The following FARS2 variants were observed in gnomAD, a reference collection of about 807,000 sequenced individuals.
The protein encoded by FARS2 is phenylalanyl-tRNA synthetase 2, mitochondrial.
In FARS2, 40 loss-of-function variants were observed where a neutral mutation model predicts 46.4. The observed-to-expected ratio is 0.86, with a 90% CI of 0.67 to 1.12. The LOEUF (loss-of-function observed/expected upper bound fraction) is 1.12. FARS2 is among the 50% of genes most tolerant of loss of function. The pLI, the probability that FARS2 is intolerant of heterozygous loss-of-function variation, is 0.00. For missense variants in FARS2, 513 were observed against 567.9 expected (o/e 0.90, Z 0.98); for synonymous variants, 234 against 214.9 (o/e 1.09, Z -0.78).
chr6:5,344,792 CT>C (rs757967957), intron 1 of FARS2, among the ~76,000 whole-genome samples: 553 of 143,394 alleles, frequency 3.9e-3, no homozygotes, highest in Non-Finnish European at 4.2e-3. Context: ...TTTCTTTTCT[CT>C]TTTTTTTTTT....
intron 5 of FARS2, among the ~76,000 whole-genome samples, chr6:5,562,685 C>T (rs1772056299): frequency 7.1e-6 from 1 of 140,372 alleles, no homozygotes; most frequent in Non-Finnish European, 1.5e-5. Flanking sequence ...CTTGACTCCA[C>T]TGTAATTTAT....
At chr6:5,696,751 AT>A (rs1188052203) in intron 6 of FARS2, among the ~76,000 whole-genome samples, 1 of 152,192 alleles carries the variant, frequency 6.6e-6, no homozygotes, top group Non-Finnish European at 1.5e-5. Context: ...TACAATTTAA[AT>A]TTTTTACTAT....
At chr6:5,288,627 G>T (rs1466051561) in intron 1 of FARS2, among the ~76,000 whole-genome samples, 4 of 152,192 alleles carry the variant, frequency 2.6e-5, no homozygotes, top group Non-Finnish European at 5.9e-5. Context: ...ACAAGTATAT[G>T]TACGTGCTGG....
At chr6:5,642,519 G>A (rs74943507) in intron 6 of FARS2, among the ~76,000 whole-genome samples, 78 of 152,200 alleles carry the variant, frequency 5.1e-4, no homozygotes, top group African/African-American at 1.9e-3. Flanking sequence ...TCCATCTAAA[G>A]CAGTCATTGA....
chr6:5,594,937 C>A (rs1774115079), intron 5 of FARS2, among the ~76,000 whole-genome samples: 1 of 152,198 alleles, frequency 6.6e-6, no homozygotes, highest in African/African-American at 2.4e-5. Flanking sequence ...CAGAATGGAG[C>A]CAGCCCTTTC....
intron 6 of FARS2, among the ~76,000 whole-genome samples, chr6:5,690,216 A>G (rs1226207387): frequency 6.6e-6 from 1 of 152,134 alleles, no homozygotes; most frequent in Non-Finnish European, 1.5e-5. Flanking sequence ...TAATATTGTT[A>G]TGTGTGAATT....
intron 6 of FARS2, among the ~76,000 whole-genome samples, chr6:5,621,502 A>T (rs1049785299): frequency 6.6e-6 from 1 of 152,208 alleles, no homozygotes; most frequent in Non-Finnish European, 1.5e-5. Context: ...AGTTTCTTGC[A>T]TGTAATTAAC....
At chr6:5,752,550 G>A (rs1399782106) in intron 6 of FARS2, among the ~76,000 whole-genome samples, 1 of 152,170 alleles carries the variant, frequency 6.6e-6, no homozygotes, top group Non-Finnish European at 1.5e-5. Flanking sequence ...CCCAGCCCCT[G>A]ATTCACTTGT....
chr6:5,371,894 CATT>C (rs1759087297), intron 2 of FARS2, among the ~76,000 whole-genome samples: 2 of 151,288 alleles, frequency 1.3e-5, no homozygotes, highest in African/African-American at 2.5e-5. Flanking sequence ...TAAAGACACA[CATT>C]ATCAGATTGG....
At chr6:5,340,520 T>G (rs1325700420) in intron 1 of FARS2, among the ~76,000 whole-genome samples, 1 of 152,246 alleles carries the variant, frequency 6.6e-6, no homozygotes, top group Non-Finnish European at 1.5e-5. Context: ...CCGTAAAGTT[T>G]GAAGTGATTT....
At chr6:5,752,644 C>G (rs1354705340) in intron 6 of FARS2, among the ~76,000 whole-genome samples, 1 of 152,140 alleles carries the variant, frequency 6.6e-6, no homozygotes, top group East Asian at 1.9e-4. Context: ...CCCCTGGATC[C>G]CAGATTTTTG....
At chr6:5,541,517 T>A (rs1284524009) in intron 4 of FARS2, among the ~76,000 whole-genome samples, 1 of 152,242 alleles carries the variant, frequency 6.6e-6, no homozygotes, top group Non-Finnish European at 1.5e-5. Context: ...TAGAATGTCA[T>A]GAGAATTGAA....
chr6:5,425,054 T>C (rs901235328), intron 3 of FARS2, among the ~76,000 whole-genome samples: 4 of 152,190 alleles, frequency 2.6e-5, no homozygotes, highest in African/African-American at 7.2e-5. Context: ...GTTCAGAAAG[T>C]GTGAGTGGCA....
intron 5 of FARS2, among the ~76,000 whole-genome samples, chr6:5,566,219 C>T (rs1338128360): frequency 6.6e-6 from 1 of 152,170 alleles, no homozygotes; most frequent in Non-Finnish European, 1.5e-5. Flanking sequence ...TGATGGGAGT[C>T]TCATCTCTCA....
intron 3 of FARS2, among the ~76,000 whole-genome samples, chr6:5,430,234 T>A (rs1245582972): frequency 6.6e-6 from 1 of 152,118 alleles, no homozygotes; most frequent in African/African-American, 2.4e-5. Context: ...CCCACTTTTT[T>A]CTGTGTTCTT....
chr6:5,568,696 T>G (rs531028038), intron 5 of FARS2, among the ~76,000 whole-genome samples: 1 of 152,236 alleles, frequency 6.6e-6, no homozygotes, highest in African/African-American at 2.4e-5. Context: ...CAAACTTAGC[T>G]CGCAAAGCTT....
At chr6:5,688,254 G>A (rs1049090543) in intron 6 of FARS2, among the ~76,000 whole-genome samples, 5 of 152,108 alleles carry the variant, frequency 3.3e-5, no homozygotes, top group African/African-American at 4.8e-5. Context: ...AGGAGTGGTG[G>A]GAGAGGGCAT....
intron 6 of FARS2, among the ~76,000 whole-genome samples, chr6:5,622,620 G>C (rs1775831923): frequency 6.6e-6 from 1 of 152,220 alleles, no homozygotes; most frequent in Non-Finnish European, 1.5e-5. Context: ...GGAGGACACA[G>C]TGTTCGTCCC....
chr6:5,722,207 A>G (rs1759956978), intron 6 of FARS2, among the ~76,000 whole-genome samples: 2 of 152,220 alleles, frequency 1.3e-5, no homozygotes, highest in South Asian at 4.1e-4. Context: ...CTTTTGCACC[A>G]AAGATGTAAG....
Sources: gnomAD v4.1 joint callset for allele counts (sites outside exome capture counted in the v4.1 genomes callset) on GRCh38, gnomAD v4.1.1 for gene constraint, MANE v1.5 for transcripts, NCBI Gene and HGNC (gene_info 2026-07-23, HGNC 2026-07-21) for gene names.